The following SNX29 variants were observed in gnomAD, a reference collection of about 807,000 sequenced individuals.
SNX29 encodes sorting nexin-29.
Under a neutral mutation model 102.1 loss-of-function variants are expected in SNX29, and 78 were observed. That is an observed-to-expected ratio of 0.76 (90% confidence interval 0.64 to 0.92). The LOEUF is 0.92. SNX29 is among the 40% of genes least tolerant of loss of function. SNX29 has a pLI of 0.00. For missense variants in SNX29, 1,280 were observed against 1,061.7 expected (o/e 1.21, Z -2.86); for synonymous variants, 580 against 414.5 (o/e 1.40, Z -4.85).
At chr16:12,465,545 T>G (rs1378036866) in intron 18 of SNX29, among the ~76,000 whole-genome samples, 1 of 152,220 alleles carries the variant, frequency 6.6e-6, no homozygotes, top group Non-Finnish European at 1.5e-5. Flanking sequence ...ACTTCTGGGC[T>G]TTGTTCTGTT....
intron 4 of SNX29, among the ~76,000 whole-genome samples, chr16:12,036,149 A>T (rs1277399007): frequency 6.6e-6 from 1 of 151,940 alleles, no homozygotes; most frequent in East Asian, 1.9e-4. Flanking sequence ...ATCATAGCTC[A>T]CTACAGCCTC....
rs1183988560 is a variant in SNX29 at position 12,464,644 on chromosome 16, A to T, written c.2038-13075A>T. Among the ~76,000 whole-genome samples the T allele has an allele frequency of 2.0e-5, 3 of 151,842 alleles. No homozygotes were observed. The East Asian group carries it at 5.8e-4, about 29-fold the overall frequency. On this transcript the variant is annotated intron_variant, in intron 18 of 20. Coordinates refer to ENST00000566228, the MANE Select transcript of SNX29 (RefSeq NM_032167.5). The stretch of plus-strand genomic sequence containing the variant: ...TAATTTTTAAACTTTTTTTGTAGAG[A>T]CAGTCTCACTGTGTTGCCCAGGTTG...
At chr16:12,113,795 C>G (rs543079463) in intron 11 of SNX29, among the ~76,000 whole-genome samples, 1 of 152,192 alleles carries the variant, frequency 6.6e-6, no homozygotes, top group Non-Finnish European at 1.5e-5. Context: ...GGCCGGCGAG[C>G]GGCCAGCGGA....
At chr16:12,540,567 T>G (rs1460884805) in intron 20 of SNX29, among the ~76,000 whole-genome samples, 2 of 152,226 alleles carry the variant, frequency 1.3e-5, no homozygotes, top group Admixed American at 6.5e-5. Flanking sequence ...CATGGCCCCT[T>G]CTTTGCTTCC....
chr16:12,198,440 T>C (rs2076832689), intron 13 of SNX29, among the ~76,000 whole-genome samples: 2 of 152,046 alleles, frequency 1.3e-5, no homozygotes. Flanking sequence ...TCTGATGGAG[T>C]ATTTTGCAAT....
At chr16:12,382,949 A>G (rs116596801) in intron 16 of SNX29, among the ~76,000 whole-genome samples, 4 of 152,086 alleles carry the variant, frequency 2.6e-5, no homozygotes, top group Non-Finnish European at 5.9e-5. Context: ...TCTGAATTAC[A>G]TCTGCAAAGA....
At chr16:12,173,076 C>G (rs567921808) in intron 13 of SNX29, among the ~76,000 whole-genome samples, 1 of 152,310 alleles carries the variant, frequency 6.6e-6, no homozygotes, top group South Asian at 2.1e-4. Flanking sequence ...GTTTTCTAAA[C>G]AGGAAAAATG....
At chr16:12,527,035 T>A (rs2076803237) in intron 20 of SNX29, 1 of 416,246 alleles carries the variant, frequency 2.4e-6, no homozygotes, top group Admixed American at 3.6e-5. Flanking sequence ...AATGACACAG[T>A]GTTGACACTG....
chr16:12,540,711 C>A (rs190575904), intron 20 of SNX29, among the ~76,000 whole-genome samples: 2 of 152,218 alleles, frequency 1.3e-5, no homozygotes, highest in African/African-American at 4.8e-5. Flanking sequence ...TATGAAGACG[C>A]TCCAGGGATG....
chr16:12,200,127 T>C (rs1477372073), intron 14 of SNX29, among the ~76,000 whole-genome samples: 1 of 152,152 alleles, frequency 6.6e-6, no homozygotes, highest in East Asian at 1.9e-4. Flanking sequence ...AGTTTTTTCA[T>C]CTGTACAATG....
chr16:12,387,135 TAAA>T (rs778794712), intron 16 of SNX29, among the ~76,000 whole-genome samples: 1 of 130,904 alleles, frequency 7.6e-6, no homozygotes, highest in Non-Finnish European at 1.7e-5. Flanking sequence ...ATTAAAAAAA[TAAA>T]AAAAAAAGAG....
intron 20 of SNX29, among the ~76,000 whole-genome samples, chr16:12,530,025 C>A (rs1350086812): frequency 6.6e-6 from 1 of 152,208 alleles, no homozygotes; most frequent in African/African-American, 2.4e-5. Flanking sequence ...AGTGTCCATG[C>A]ATGTGACTTT....
intron 18 of SNX29, among the ~76,000 whole-genome samples, chr16:12,438,153 G>A (rs1032570834): frequency 9.9e-5 from 15 of 152,006 alleles, no homozygotes; most frequent in African/African-American, 3.6e-4. Flanking sequence ...GCAGGAGTAG[G>A]GGGGCATCTC....
chr16:12,058,200 G>A (rs377083500), intron 8 of SNX29, among the ~76,000 whole-genome samples: 6 of 152,012 alleles, frequency 3.9e-5, no homozygotes, highest in Non-Finnish European at 5.9e-5. Context: ...AGAATAGTCC[G>A]CACAGCAGGA....
At chr16:12,148,245 C>A (rs984367323) in intron 13 of SNX29, among the ~76,000 whole-genome samples, 3 of 152,198 alleles carry the variant, frequency 2.0e-5, no homozygotes, top group African/African-American at 7.2e-5. Context: ...GGAATGCCAC[C>A]CATGGAGCTA....
intron 4 of SNX29, among the ~76,000 whole-genome samples, chr16:12,037,757 G>T (rs1240801004): frequency 6.6e-6 from 1 of 151,478 alleles, no homozygotes; most frequent in Non-Finnish European, 1.5e-5. Context: ...TTCAAGACCA[G>T]CTTGAGTAAC....
At chr16:12,475,492 A>G (rs536333789) in intron 18 of SNX29, among the ~76,000 whole-genome samples, 1 of 152,280 alleles carries the variant, frequency 6.6e-6, no homozygotes, top group Non-Finnish European at 1.5e-5. Flanking sequence ...AAGCTCCTTG[A>G]CTTATGATGG....
chr16:12,448,047 T>G (rs1248230581), intron 18 of SNX29, among the ~76,000 whole-genome samples: 1 of 152,118 alleles, frequency 6.6e-6, no homozygotes, highest in Non-Finnish European at 1.5e-5. Context: ...TTGTGCTGAT[T>G]GTGGATGTAT....
At chr16:12,054,092 C>T (rs1419416317) in intron 8 of SNX29, among the ~76,000 whole-genome samples, 1 of 152,118 alleles carries the variant, frequency 6.6e-6, no homozygotes, top group Non-Finnish European at 1.5e-5. Flanking sequence ...CTCAGCCTCC[C>T]GAGTAGCTGG....
Sources: allele counts gnomAD v4.1 joint callset (sites outside exome capture counted in the v4.1 genomes callset), GRCh38; gene constraint gnomAD v4.1.1; transcripts MANE v1.5; gene names NCBI Gene and HGNC (gene_info 2026-07-23, HGNC 2026-07-21).